The following TMEM135 variants were observed in gnomAD, a reference collection of about 807,000 sequenced individuals.
TMEM135 encodes peroxisomal membrane protein 52.
In TMEM135, 30 loss-of-function variants were observed where a neutral mutation model predicts 60.3. That is an observed-to-expected ratio of 0.50 (90% CI 0.37 to 0.68). TMEM135 has a LOEUF of 0.68. Ranked by LOEUF, TMEM135 falls within the 30% of genes least tolerant of loss-of-function variation. TMEM135 has a pLI of 0.00. For synonymous variants in TMEM135, 190 were observed against 186.7 expected (o/e 1.02, Z -0.14); for missense variants, 468 against 548.8 (o/e 0.85, Z 1.47).
intron 5 of TMEM135, among the ~76,000 whole-genome samples, chr11:87,162,928 T>G (rs1229158543): frequency 6.6e-6 from 1 of 152,160 alleles, no homozygotes; most frequent in Non-Finnish European, 1.5e-5. Context: ...TGGCGTAAGA[T>G]GGTATCTTAT....
chr11:87,270,823 A>T (rs937287244), intron 6 of TMEM135, among the ~76,000 whole-genome samples: 1 of 152,148 alleles, frequency 6.6e-6, no homozygotes, highest in Admixed American at 6.5e-5. Context: ...GGACTTATCA[A>T]ACTTTTCCTC....
chr11:87,261,736 C>G (rs527850516), intron 6 of TMEM135, among the ~76,000 whole-genome samples: 5 of 152,244 alleles, frequency 3.3e-5, no homozygotes, highest in Admixed American at 2.6e-4. Flanking sequence ...GTCCTCCCAC[C>G]TCAGCCTCCT....
At chr11:87,177,174 C>G (rs1055279401) in intron 5 of TMEM135, among the ~76,000 whole-genome samples, 2 of 152,216 alleles carry the variant, frequency 1.3e-5, no homozygotes, top group Non-Finnish European at 2.9e-5. Flanking sequence ...TTACCATTGC[C>G]TCGCCCTTTC....
Position 87,120,642 on chromosome 11 carries a change from A to G in TMEM135, c.396+29247A>G, listed in dbSNP as rs535860895. Reference sequence around the variant, plus strand: ...GCCACCGTGCCCAGATAATTTTTGTATTTTTGGTAGAGACAGGGCTTCACC... The same window carrying G: ...GCCACCGTGCCCAGATAATTTTTGTGTTTTTGGTAGAGACAGGGCTTCACC... On this transcript the variant is annotated intron_variant, in intron 4 of 14. Coordinates refer to ENST00000305494, the MANE Select transcript of TMEM135 (RefSeq NM_022918.4). 4.0e-5 allele frequency among the ~76,000 whole-genome samples: 6 copies of G among 151,634 alleles called. No individual in the cohort carries two copies. In the South Asian group the frequency reaches 1.3e-3, roughly 32 times the overall value.
At chr11:87,173,838 G>T (rs1939302433) in intron 5 of TMEM135, among the ~76,000 whole-genome samples, 1 of 152,082 alleles carries the variant, frequency 6.6e-6, no homozygotes, top group African/African-American at 2.4e-5. Context: ...TTTCCTTCCT[G>T]TGTGAGTCAT....
At position 87,128,415 on chromosome 11, in the gene TMEM135, A is replaced by G. The variant is rs143711693; in HGVS notation, c.397-28926A>G. ...TTTCTTGCAGATTTCTGATACTTGT[A>G]ATAAGAGAATCTCTACAAGACTAAG... is the stretch of plus-strand genomic sequence containing the variant. On this transcript the variant is annotated intron_variant, in intron 4 of 14. Coordinates refer to ENST00000305494, the MANE Select transcript of TMEM135 (RefSeq NM_022918.4). Among the ~76,000 whole-genome samples the G allele has an allele frequency of 1.6e-4, 24 of 152,240 alleles. 1 individual carries two copies. The East Asian group carries it at 4.4e-3, about 28-fold the overall frequency.
Position 87,324,853 on chromosome 11 carries a change from C to G in TMEM135, c.*3520C>G, listed in dbSNP as rs1468932014. ...TTATAAACATTCTCTCTCCTAACACCTCCTTCTAGTAATCATTTTCACATA... is the reference window on the plus strand; with the variant it reads ...TTATAAACATTCTCTCTCCTAACACGTCCTTCTAGTAATCATTTTCACATA... On this transcript the variant is annotated 3_prime_UTR_variant, in exon 15 of 15. Transcript: ENST00000305494. 2.2e-6 allele frequency: 1 copy of G among 453,862 alleles called. No individual in the cohort carries two copies. Among genetic ancestry groups the G allele is most frequent in the South Asian group, 1.6e-5 (1 of 64,442 alleles). 28.1% of individuals were successfully genotyped at this position (453,862 alleles called of 1,614,324 possible).
At chr11:87,246,666 C>G (rs1246927809) in intron 6 of TMEM135, among the ~76,000 whole-genome samples, 4 of 148,980 alleles carry the variant, frequency 2.7e-5, no homozygotes, top group Non-Finnish European at 4.5e-5. Context: ...CTTCTGCATT[C>G]TTCACGTAGT....
intron 6 of TMEM135, among the ~76,000 whole-genome samples, chr11:87,272,051 CTTTTTT>C (rs773654603): frequency 0.027 from 2,157 of 81,150 alleles, 66 homozygotes; most frequent in African/African-American, 0.079. Flanking sequence ...TTTTTCTTTT[CTTTTTT>C]TTTTTTTTTT....
chr11:87,302,173 A>G, intron 7 of TMEM135, 123 bp from the exon 8 acceptor site: 1 of 1,042,236 alleles, frequency 9.6e-7, no homozygotes, highest in Non-Finnish European at 1.4e-6. Context: ...GTAAATTGTG[A>G]AAATACTATC....
chr11:87,227,573 G>T (rs573932101), intron 5 of TMEM135, among the ~76,000 whole-genome samples: 1 of 152,004 alleles, frequency 6.6e-6, no homozygotes, highest in African/African-American at 2.4e-5. Context: ...AAAATGGACT[G>T]TATATTATGG....
At chr11:87,309,482 G>T (rs552777501) in intron 9 of TMEM135, 23 bp from the exon 10 acceptor site, 2 of 1,613,098 alleles carry the variant, frequency 1.2e-6, no homozygotes, top group East Asian at 2.2e-5. Flanking sequence ...TGTAAATCAG[G>T]TTTTTCTCCA....
intron 3 of TMEM135, among the ~76,000 whole-genome samples, chr11:87,084,417 C>T (rs1359878742): frequency 6.6e-6 from 1 of 152,030 alleles, no homozygotes; most frequent in Non-Finnish European, 1.5e-5. Flanking sequence ...AGGTGATCCT[C>T]CTGCCTCAGT....
At chr11:87,269,591 T>C (rs11235061) in intron 6 of TMEM135, among the ~76,000 whole-genome samples, 52,603 of 149,818 alleles carry the variant, frequency 0.35, 9,763 homozygotes, top group Non-Finnish European at 0.42. Context: ...TGAGAACATG[T>C]GGTGTTTGGT....
At chr11:87,315,757 A>C (rs1220724346) in intron 12 of TMEM135, among the ~76,000 whole-genome samples, 1 of 152,022 alleles carries the variant, frequency 6.6e-6, no homozygotes, top group East Asian at 1.9e-4. Context: ...ACCAGTGTTT[A>C]GAATGAGTTA....
chr11:87,042,654 G>C (rs1254311755), intron 1 of TMEM135, among the ~76,000 whole-genome samples: 1 of 152,136 alleles, frequency 6.6e-6, no homozygotes, highest in African/African-American at 2.4e-5. Context: ...TTTTTATCAA[G>C]AGTGTTTTCT....
chr11:87,258,883 T>G, intron 6 of TMEM135: 1 of 959,438 alleles, frequency 1.0e-6, no homozygotes, highest in Non-Finnish European at 1.7e-6. Context: ...AAGAGCCCCT[T>G]GCATTCTTCC....
intron 2 of TMEM135, among the ~76,000 whole-genome samples, chr11:87,068,827 T>C (rs1280892249): frequency 7.0e-6 from 1 of 143,868 alleles, no homozygotes; most frequent in Non-Finnish European, 1.5e-5. Flanking sequence ...AAAAAAAAAG[T>C]GTAATTTCCA....
intron 4 of TMEM135, chr11:87,094,911 C>T (rs1857289392): frequency 6.5e-6 from 1 of 154,610 alleles, no homozygotes; most frequent in Non-Finnish European, 1.4e-5. Flanking sequence ...CAGCACTTCT[C>T]ACCAGTGACT....
Sources: allele counts gnomAD v4.1 joint callset (sites outside exome capture counted in the v4.1 genomes callset), GRCh38; gene constraint gnomAD v4.1.1; transcripts MANE v1.5; gene names NCBI Gene and HGNC (gene_info 2026-07-23, HGNC 2026-07-21).